POFUT2: variants seen among roughly 807,000 people sequenced by gnomAD.
POFUT2 encodes the protein GDP-fucose protein O-fucosyltransferase 2.
In POFUT2, 30 loss-of-function variants were observed where a neutral mutation model predicts 55.0. The ratio of observed to expected loss-of-function variants is 0.55; its 90% CI spans 0.41 to 0.74. The LOEUF is 0.74. POFUT2 is among the 30% of genes least tolerant of loss of function. The probability of loss-of-function intolerance (pLI) is 0.00; values close to 1 mark genes in which losing one functional copy is unlikely to be tolerated. For missense variants in POFUT2, 524 were observed against 562.6 expected, an observed-to-expected ratio of 0.93 and a Z score of 0.69; for synonymous variants, 267 against 231.1, an observed-to-expected ratio of 1.16 and a Z score of -1.41.
Position 45,269,849 on chromosome 21 carries a change from G to A in POFUT2, c.1002C>T (p.Ala334=), listed in dbSNP as rs1484978974. 19 of 1,602,312 alleles carry A rather than the reference G, an allele frequency of 1.2e-5. No homozygotes were observed. Among genetic ancestry groups the A allele is most frequent in the Admixed American group, 3.6e-5 (2 of 56,256 alleles). Residue 334 remains alanine, a synonymous_variant, in exon 7 of 9, where the codon GCC becomes GCT. Transcript: ENST00000349485. ...ATTGAAGCTCCATACCCTTTCTGACGGCATCTGTGGCCACAAACACCTTGT... is the reference window on the plus strand; with the variant it reads ...ATTGAAGCTCCATACCCTTTCTGACAGCATCTGTGGCCACAAACACCTTGT... ...RLDKVFVATD[A]VRKEYEELKK...
At chr21:45,266,830 C>A in intron 8 of POFUT2, 1 of 1,009,486 alleles carries the variant, frequency 9.9e-7, no homozygotes, top group South Asian at 4.2e-5. Context: ...GTGCACAGTG[C>A]TAACCACGGG....
intron 8 of POFUT2, chr21:45,266,369 C>T: frequency 7.8e-7 from 1 of 1,281,980 alleles, no homozygotes; most frequent in Non-Finnish European, 1.0e-6. Context: ...ACCCTCACCA[C>T]CCCACACACA....
intron 1 of POFUT2, among the ~76,000 whole-genome samples, chr21:45,287,517 C>T (rs1004533730): frequency 2.0e-5 from 2 of 98,832 alleles, no homozygotes; most frequent in Admixed American, 1.0e-4. Context: ...CATCCCATTC[C>T]CCTGACCCCT....
intron 4 of POFUT2, among the ~76,000 whole-genome samples, chr21:45,280,010 G>A (rs777122576): frequency 4.6e-5 from 7 of 152,216 alleles, no homozygotes; most frequent in East Asian, 1.9e-4. Context: ...TTCTAATGCC[G>A]TTTTAAGGGC....
In POFUT2 at chr21:45,265,912, G is replaced by A; in HGVS notation, c.1137-277C>T. 7.7e-7 allele frequency: 1 copy of A among 1,303,960 alleles called. No homozygotes were observed. Among genetic ancestry groups the A allele is most frequent in the Non-Finnish European group, 9.8e-7 (1 of 1,015,484 alleles). The allele number at this position is 1,303,960 out of a possible 1,614,324, so 80.8% of individuals were successfully genotyped here. A position where few individuals can be genotyped will look rare whatever the true frequency, so the allele number is the denominator to read the frequency against. On this transcript the variant is annotated intron_variant, in intron 8 of 8. Coordinates refer to ENST00000349485, the MANE Select transcript of POFUT2 (RefSeq NM_133635.6). This position sits in a 1 kb window ranked among gnomAD's most constrained non-coding sequence, Gnocchi z 4.6. The stretch of plus-strand genomic sequence containing the variant: ...CCGCCACGCTCCTGTCCCACCGCAT[G>A]TCCCCCTGGGAGCCCTCCTCTCCGT...
chr21:45,283,264 G>T (rs1273558529), intron 3 of POFUT2, 119 bp downstream of exon 3: 1 of 481,898 alleles, frequency 2.1e-6, no homozygotes, highest in Non-Finnish European at 3.7e-6. Context: ...GGGGGCGGGG[G>T]GCACCCACGG....
chr21:45,278,693 T>C (rs2030139319), intron 4 of POFUT2, among the ~76,000 whole-genome samples: 2 of 152,202 alleles, frequency 1.3e-5, no homozygotes, highest in African/African-American at 4.8e-5. Context: ...CCTTGTCCGG[T>C]GGCAAACCTA....
At position 45,287,819 on chromosome 21, in the gene POFUT2, G is replaced by A. The variant is rs373102159; in HGVS notation, c.53C>T (p.Pro18Leu). ...GAACTCCTGGCCGGAGGCAGAAGCC[G>A]GAGGCCAGGACACTGCCCCCAGCAG... ...FLLLGAVSWP[P>L]ASASGQEFWP... Residue 18 changes from proline (P) to leucine (L), a missense_variant, in exon 1 of 9, where the codon CCG becomes CTG. By Grantham distance (98) the Pro-to-Leu change is moderately conservative. Coordinates refer to ENST00000349485, the MANE Select transcript of POFUT2 (RefSeq NM_133635.6). The A allele has an allele frequency of 1.1e-5, 17 of 1,506,688 alleles. No homozygotes were observed. Among genetic ancestry groups the A allele is most frequent in the Non-Finnish European group, 1.5e-5 (17 of 1,124,364 alleles). The allele number at this position is 1,506,688 out of a possible 1,614,324, so 93.3% of individuals were successfully genotyped here.
chr21:45,264,190 C>T lies in POFUT2; in HGVS notation c.*1292G>A, dbSNP rs1569211164. ...GTGATGTCCTAGACTAGCCAGGCTC[C>T]GAAAGGAAGAGCTGTCTGTCCCTCC... On this transcript the variant is annotated 3_prime_UTR_variant, in exon 9 of 9. Transcript: ENST00000349485. 1.4e-5 allele frequency: 2 copies of T among 146,426 alleles called. No individual in the cohort carries two copies. The allele number at this position is 146,426 out of a possible 1,614,324, so 9.1% of individuals were successfully genotyped here.
intron 3 of POFUT2, 35 bp downstream of exon 3, chr21:45,283,348 G>GGGGGGC: frequency 8.7e-7 from 1 of 1,144,156 alleles, no homozygotes; most frequent in South Asian, 1.3e-5. Flanking sequence ...AGGTGGGGGG[G>GGGGGGC]CACCTGCGGC....
Position 45,287,810 on chromosome 21 carries a change from G to A in POFUT2, c.62C>T (p.Ala21Val). 6.6e-7 allele frequency: 1 copy of A among 1,509,102 alleles called. No individual in the cohort carries two copies. Among genetic ancestry groups the A allele is most frequent in the East Asian group, 2.6e-5 (1 of 37,858 alleles). 93.5% of individuals were successfully genotyped at this position (1,509,102 alleles called of 1,614,324 possible). A position where few individuals can be genotyped will look rare whatever the true frequency, so the allele number is the denominator to read the frequency against. The part of the protein sequence containing the change: ...LGAVSWPPAS[A>V]SGQEFWPGQS... Reference sequence around the variant, plus strand: ...TCCGGGCCAGAACTCCTGGCCGGAGGCAGAAGCCGGAGGCCAGGACACTGC... The same window carrying A: ...TCCGGGCCAGAACTCCTGGCCGGAGACAGAAGCCGGAGGCCAGGACACTGC... Residue 21 changes from alanine (A) to valine (V), a missense_variant, in exon 1 of 9, where the codon GCC becomes GTC. By Grantham distance (64) the Ala-to-Val change is moderately conservative. Around this residue, in one of 2 missense-constraint regions of POFUT2, gnomAD observed 274 missense variants for 244.4 expected, o/e 1.12. Coordinates refer to ENST00000349485, the MANE Select transcript of POFUT2 (RefSeq NM_133635.6).
In POFUT2 at chr21:45,267,484, A is replaced by G. The variant is rs1020173609; in HGVS notation, c.1136+106T>C. 6.2e-7 allele frequency: 1 copy of G among 1,614,016 alleles called. No homozygotes were observed. The highest frequency in any genetic ancestry group is 1.3e-5 in the African/African-American group (1 of 74,914). ...GGAGGCAAACAGTATGGAAATGACC[A>G]CTGTGAACACAGGCGACCATCTGCT... On this transcript the variant is annotated intron_variant, in intron 8 of 8. Transcript: ENST00000349485. The surrounding 1 kb of genome is among the most constrained non-coding windows in gnomAD (Gnocchi z 4.4).
Position 45,267,569 on chromosome 21 carries a change from G to A in POFUT2, c.1136+21C>T, listed in dbSNP as rs371365312. The A allele has an allele frequency of 1.6e-5, 26 of 1,614,030 alleles. No homozygotes were observed. The highest frequency in any genetic ancestry group is 1.8e-5 in the Non-Finnish European group (21 of 1,180,042). On this transcript the variant is annotated intron_variant, in intron 8 of 8. Transcript: ENST00000349485. This position sits in a 1 kb window ranked among gnomAD's most constrained non-coding sequence, Gnocchi z 4.4. Reference sequence around the variant, plus strand: ...AAAGCCACCCGACCCGCTCTCGGCCGACAGTGACGTGGGCAGGCACCTGGC... The same window carrying A: ...AAAGCCACCCGACCCGCTCTCGGCCAACAGTGACGTGGGCAGGCACCTGGC...
rs1252366052 is a variant in POFUT2 at position 45,282,415 on chromosome 21, G to A, written c.572C>T (p.Ser191Phe). 5 of 1,613,382 alleles carry A rather than the reference G, an allele frequency of 3.1e-6. No individual in the cohort carries two copies. The highest frequency in any genetic ancestry group is 1.3e-5 in the African/African-American group (1 of 74,896). ...GGCTGAGCCCTGGACGGACAGACAG[G>A]AGACGTTTAGACCCCTGGTCTCCTC... is the stretch of plus-strand genomic sequence containing the variant. Reference protein sequence around the residue: ...GYEETRGLNVSCLSVQGSASI... With the variant: ...GYEETRGLNVFCLSVQGSASI... The change falls in exon 4 of 9, where the codon TCC (serine) becomes TTC (phenylalanine). Residue 191 changes from serine to phenylalanine, a missense_variant. This residue lies in a region of POFUT2 where 250 missense variants were observed against 318.2 expected (regional missense o/e 0.79). Transcript: ENST00000349485. This position sits in a 1 kb window ranked among gnomAD's most constrained non-coding sequence, Gnocchi z 4.6.
At position 45,265,866 on chromosome 21, in the gene POFUT2, T is replaced by C. The variant is rs1467152812; in HGVS notation, c.1137-231A>G. 1.5e-6 allele frequency: 2 copies of C among 1,372,242 alleles called. No homozygotes were observed. Among genetic ancestry groups the C allele is most frequent in the African/African-American group, 2.9e-5 (2 of 68,146 alleles). 85.0% of individuals were successfully genotyped at this position (1,372,242 alleles called of 1,614,324 possible). A position where few individuals can be genotyped will look rare whatever the true frequency, so the allele number is the denominator to read the frequency against. On this transcript the variant is annotated intron_variant, in intron 8 of 8. Coordinates refer to ENST00000349485, the MANE Select transcript of POFUT2 (RefSeq NM_133635.6). This position sits in a 1 kb window ranked among gnomAD's most constrained non-coding sequence, Gnocchi z 4.6. ...GGCTCTGCCTGGTGCTGCAGCCCCA[T>C]CCACACCCCACAGTCAGCAGCCGCC...
chr21:45,272,949 G>A (rs542190570), intron 6 of POFUT2, among the ~76,000 whole-genome samples: 1 of 152,178 alleles, frequency 6.6e-6, no homozygotes, highest in African/African-American at 2.4e-5. Flanking sequence ...CAAAAAATCT[G>A]AAAGAGCACA....
chr21:45,286,513 C>T lies in POFUT2; in HGVS notation c.132-585G>A, dbSNP rs536468910. Among the ~76,000 whole-genome samples, 6 of 152,332 alleles carry T rather than the reference C, an allele frequency of 3.9e-5. No individual in the cohort carries two copies. The South Asian group carries it at 1.0e-3, about 26-fold the overall frequency. On this transcript the variant is annotated intron_variant, in intron 1 of 8. Coordinates refer to ENST00000349485, the MANE Select transcript of POFUT2 (RefSeq NM_133635.6). ...CTGCATTCAATCTGTTGTGACATCA[C>T]AGATCAAGTGGTTTCTAGGAAAACT...
Position 45,285,569 on chromosome 21 carries a change from G to C in POFUT2, c.382+109C>G, listed in dbSNP as rs758569284. On this transcript the variant is annotated intron_variant, in intron 2 of 8. Coordinates refer to ENST00000349485, the MANE Select transcript of POFUT2 (RefSeq NM_133635.6). The surrounding 1 kb of genome is among the most constrained non-coding windows in gnomAD (Gnocchi z 4.9). ...GCAGCAGCACTGGGCACTGGAGGAT[G>C]CTGGTGAGGCTGGATGCAATCGTAA... 30 of 1,346,596 alleles carry C rather than the reference G, an allele frequency of 2.2e-5. No individual in the cohort carries two copies. Among genetic ancestry groups the C allele is most frequent in the Non-Finnish European group, 2.8e-5 (27 of 954,192 alleles). 83.4% of individuals were successfully genotyped at this position (1,346,596 alleles called of 1,614,324 possible).
chr21:45,284,895 C>T lies in POFUT2; in HGVS notation c.382+783G>A, dbSNP rs1171397731. ...AGGTTACCGCCTGTTGTTGCATGCC[C>T]CTAGCACTCACAAGACTGACCTTGA... On this transcript the variant is annotated intron_variant, in intron 2 of 8. Transcript: ENST00000349485. This position sits in a 1 kb window ranked among gnomAD's most constrained non-coding sequence, Gnocchi z 5.8. Among the ~76,000 whole-genome samples, 1 of 152,126 alleles carries T rather than the reference C, an allele frequency of 6.6e-6. No homozygotes were observed. Among genetic ancestry groups the T allele is most frequent in the Non-Finnish European group, 1.5e-5 (1 of 68,018 alleles).
Sources: gnomAD v4.1 joint callset for allele counts (sites outside exome capture counted in the v4.1 genomes callset) on GRCh38, gnomAD v4.1.1 for gene constraint, gnomAD v4.1.1 regional missense constraint, Gnocchi (gnomAD v3.1) non-coding constraint, MANE v1.5 for transcripts, NCBI Gene and HGNC (gene_info 2026-07-23, HGNC 2026-07-21) for gene names.